The following PDZD7 variants were observed in gnomAD, a reference collection of about 807,000 sequenced individuals.
PDZD7 encodes PDZ domain-containing protein 7.
A neutral mutation model predicts 84.7 loss-of-function variants in PDZD7; 72 were observed. The observed-to-expected ratio is 0.85, with a 90% confidence interval of 0.70 to 1.03. The LOEUF (loss-of-function observed/expected upper bound fraction) is 1.03. Ranked by LOEUF, PDZD7 falls within the 50% of genes least tolerant of loss-of-function variation. The probability of loss-of-function intolerance (pLI) is 0.00; values close to 1 mark genes in which losing one functional copy is unlikely to be tolerated. For synonymous variants in PDZD7, 594 were observed against 580.7 expected, an observed-to-expected ratio of 1.02 and a Z score of -0.33; for missense variants, 1,490 against 1,412.9, an observed-to-expected ratio of 1.05 and a Z score of -0.87.
rs1444756541 is a variant in PDZD7, at chr10:101,010,707, G to T, written c.2182C>A (p.Leu728Ile). The part of the protein sequence containing the change: ...QDVPVDAFTP[L>I]RIACTPPPQL... The stretch of plus-strand genomic sequence containing the variant: ...GGAGGGGGTGTGCAGGCAATTCGGA[G>T]GGGGGTGAAGGCATCTACTGGCACG... The change falls in exon 15 of 17, where the codon CTC becomes ATC. Residue 728 changes from leucine (L) to isoleucine (I), a missense_variant. Physicochemically the swap from Leu to Ile is conservative, Grantham distance 5. Coordinates refer to ENST00000619208, the MANE Select transcript of PDZD7 (RefSeq NM_001195263.2). 2 of 1,389,284 alleles carry T rather than the reference G, an allele frequency of 1.4e-6. No individual in the cohort carries two copies. The highest frequency in any genetic ancestry group is 1.9e-6 in the Non-Finnish European group (2 of 1,053,722). 86.1% of individuals were successfully genotyped at this position (1,389,284 alleles called of 1,614,324 possible). A position where few individuals can be genotyped will look rare whatever the true frequency, so the allele number is the denominator to read the frequency against.
In PDZD7 at chr10:101,010,518, ACTT is replaced by A; in HGVS notation, c.2368_2370del (p.Lys790del). On this transcript the variant is annotated inframe_deletion, in exon 15 of 17. Transcript: ENST00000619208. ...GGGGATGGGGAGCGTCTACCTGGAG[ACTT>A]GCCTTGACCCCGGCTGCTGCGGCTG... 1 of 1,531,556 alleles carries A rather than the reference ACTT, an allele frequency of 6.5e-7. No homozygotes were observed. The highest frequency in any genetic ancestry group is 1.4e-5 in the African/African-American group (1 of 72,780). The allele number at this position is 1,531,556 out of a possible 1,614,324, so 94.9% of individuals were successfully genotyped here. A position where few individuals can be genotyped will look rare whatever the true frequency, so the allele number is the denominator to read the frequency against.
intron 4 of PDZD7, chr10:101,023,070 CTTTTT>C (rs1161602421): frequency 1.1e-3 from 139 of 127,690 alleles, no homozygotes; most frequent in Middle Eastern, 7.7e-3. Context: ...CCATGCCCGG[CTTTTT>C]TTTTTTTTTT....
intron 9 of PDZD7, 74 bp downstream of exon 9, chr10:101,018,025 T>C (rs755579369): frequency 5.0e-6 from 8 of 1,594,558 alleles, no homozygotes; most frequent in Non-Finnish European, 6.9e-6. Flanking sequence ...GTGTGGGATC[T>C]CAACTCAGAA....
Position 101,030,186 on chromosome 10 carries a change from G to A in PDZD7, c.34C>T (p.Leu12=), listed in dbSNP as rs1300069064. The change falls in exon 2 of 17, where the codon CTG becomes TTG. Residue 12 remains leucine (L), a synonymous_variant. Coordinates refer to ENST00000619208, the MANE Select transcript of PDZD7 (RefSeq NM_001195263.2). ...AQGFAVGFDP[L]GLGDLSSGSL... is the part of the protein sequence containing the mutation. ...CCGGAGCTCAGGTCTCCTAGGCCCAGTGGGTCGAAGCCCACTGCGAAACCC... is the reference window on the plus strand; with the variant it reads ...CCGGAGCTCAGGTCTCCTAGGCCCAATGGGTCGAAGCCCACTGCGAAACCC... The A allele has an allele frequency of 6.2e-7, 1 of 1,612,836 alleles. No homozygotes were observed. The highest frequency in any genetic ancestry group is 2.2e-5 in the East Asian group (1 of 44,864).
intron 15 of PDZD7, 34 bp downstream of exon 15, chr10:101,010,238 G>A (rs557299800): frequency 7.4e-6 from 11 of 1,493,468 alleles, no homozygotes; most frequent in East Asian, 2.5e-5. Context: ...GCTTCCTAGT[G>A]TCCTCTGCCG....
At position 101,010,741 on chromosome 10, in the gene PDZD7, AG is replaced by A; in HGVS notation, c.2147del (p.Pro716LeufsTer7). 3.1e-6 allele frequency: 3 copies of A among 974,228 alleles called. No homozygotes were observed. The highest frequency in any genetic ancestry group is 2.7e-6 in the Non-Finnish European group (2 of 738,944). The allele number at this position is 974,228 out of a possible 1,614,324, so 60.3% of individuals were successfully genotyped here. On this transcript the variant is annotated frameshift_variant, in exon 15 of 17. Coordinates refer to ENST00000619208, the MANE Select transcript of PDZD7 (RefSeq NM_001195263.2). LOFTEE classifies it high-confidence loss of function. Reference sequence around the variant, plus strand: ...AGGCATCTACTGGCACGTCTTGTAGAGGGGGGATCCCTTTATGGGGGTGGCG... The same window carrying A: ...AGGCATCTACTGGCACGTCTTGTAGAGGGGGATCCCTTTATGGGGGTGGCG... ...APRHPHKGIP[P>X]LQDVPVDAFT...
intron 9 of PDZD7, 29 bp downstream of exon 9, chr10:101,018,070 C>T (rs758873942): frequency 3.1e-6 from 5 of 1,614,048 alleles, no homozygotes; most frequent in Admixed American, 1.7e-5. Flanking sequence ...CTTCACTTTG[C>T]CTTCCTGTTT....
rs1392510268 is a variant in PDZD7 at position 101,018,219 on chromosome 10, T to C, written c.1402A>G (p.Met468Val). 3 of 1,614,210 alleles carry C rather than the reference T, an allele frequency of 1.9e-6. No homozygotes were observed. Among genetic ancestry groups the C allele is most frequent in the Non-Finnish European group, 1.7e-6 (2 of 1,180,024 alleles). Residue 468 changes from methionine (M) to valine (V), a missense_variant, in exon 9 of 17, where the codon ATG becomes GTG. Coordinates refer to ENST00000619208, the MANE Select transcript of PDZD7 (RefSeq NM_001195263.2). ...KGALQRSKTL[M>V]NLFFKGGRQG... ...CGCCCTCCCTTGAAGAAGAGGTTCA[T>C]CAGCGTCTTGGAGCGCTGCAGGGCA...
At chr10:101,015,261 T>C (rs1852561909) in intron 11 of PDZD7, among the ~76,000 whole-genome samples, 1 of 152,158 alleles carries the variant, frequency 6.6e-6, no homozygotes, top group African/African-American at 2.4e-5. Flanking sequence ...AGGGACTCAC[T>C]TTCCCCACGT....
intron 11 of PDZD7, 31 bp from the exon 12 acceptor site, chr10:101,012,289 C>A (rs1372643725): frequency 6.6e-7 from 1 of 1,519,416 alleles, no homozygotes; most frequent in East Asian, 2.5e-5. Flanking sequence ...GGTCAGACAG[C>A]AGTGGGGGCT....
At chr10:101,011,607 G>A (rs951390106) in intron 14 of PDZD7, 83 bp downstream of exon 14, 187 of 1,511,228 alleles carry the variant, frequency 1.2e-4, no homozygotes, top group Non-Finnish European at 1.5e-4. Flanking sequence ...GCCCCTAGTG[G>A]GGAAAGAAGT....
At chr10:101,015,598 G>A in intron 11 of PDZD7, 38 bp downstream of exon 11, 2 of 1,533,548 alleles carry the variant, frequency 1.3e-6, no homozygotes, top group Non-Finnish European at 1.8e-6. Context: ...GTGACTGAAG[G>A]ACCGTGTGCC....
chr10:101,018,046 C>A, intron 9 of PDZD7, 53 bp downstream of exon 9: 1 of 1,610,866 alleles, frequency 6.2e-7, no homozygotes, highest in Middle Eastern at 1.7e-4. Flanking sequence ...CTGCTGAATG[C>A]CGAAGCTAGT....
chr10:101,018,046 C>G, intron 9 of PDZD7, 53 bp downstream of exon 9: 1 of 1,610,866 alleles, frequency 6.2e-7, no homozygotes, highest in Non-Finnish European at 8.5e-7. Context: ...CTGCTGAATG[C>G]CGAAGCTAGT....
chr10:101,010,978 G>A (rs957417640), intron 14 of PDZD7, 95 bp from the exon 15 acceptor site: 60 of 1,525,374 alleles, frequency 3.9e-5, no homozygotes, highest in Non-Finnish European at 4.9e-5. Flanking sequence ...AGCCAGGCCC[G>A]AGTTTGTTCA....
chr10:101,018,941 G>C lies in PDZD7; in HGVS notation c.1205C>G (p.Pro402Arg). 1 of 1,601,900 alleles carries C rather than the reference G, an allele frequency of 6.2e-7. No individual in the cohort carries two copies. The highest frequency in any genetic ancestry group is 1.3e-5 in the African/African-American group (1 of 74,962). Residue 402 changes from proline to arginine, a missense_variant, in exon 8 of 17, where the codon CCC (proline) becomes CGC (arginine). Physicochemically the swap from Pro to Arg is moderately radical, Grantham distance 103. Transcript: ENST00000619208. The part of the protein sequence containing the change: ...LRDTAIRSDG[P>R]HPGRRLDSAL... ...AGAGTCAAGGCGGCGGCCGGGATGG[G>C]GGCCGTCCGAGCGGATGGCGGTGTC...
At chr10:101,023,672 C>T (rs1234215979) in intron 3 of PDZD7, 62 bp from the exon 4 acceptor site, 1 of 1,575,924 alleles carries the variant, frequency 6.3e-7, no homozygotes, top group African/African-American at 1.3e-5. Flanking sequence ...CCTCCCCCAT[C>T]AGATGGAGCT....
rs754898220 is a variant in PDZD7, at chr10:101,010,570, A to ACGGCTGCGGCTG, written c.2318_2319insCAGCCGCAGCCG (p.Arg781_Ser784dup). On this transcript the variant is annotated inframe_insertion, in exon 15 of 17. Coordinates refer to ENST00000619208, the MANE Select transcript of PDZD7 (RefSeq NM_001195263.2). ...TGCGGCTGCGGCTACGGCTGCGGCT[A>ACGGCTGCGGCTG]CGGCTCTGAGCCCGGCCCCGGATCT... 5.9e-5 allele frequency: 89 copies of ACGGCTGCGGCTG among 1,516,326 alleles called. 1 individual carries two copies. The African/African-American group carries it at 6.3e-4, about 11-fold the overall frequency. 93.9% of individuals were successfully genotyped at this position (1,516,326 alleles called of 1,614,324 possible).
In PDZD7 at chr10:101,008,118, T is replaced by C. The variant is rs1852280782; in HGVS notation, c.*349A>G. ...CCCTTCAGGGCCCTGTCTGAGAGTC[T>C]GTGTCCCTGGAGGCTTGGGCGACTC... On this transcript the variant is annotated 3_prime_UTR_variant, in exon 17 of 17. Transcript: ENST00000619208. The C allele has an allele frequency of 3.0e-6, 1 of 331,602 alleles. No homozygotes were observed. The highest frequency in any genetic ancestry group is 2.1e-5 in the African/African-American group (1 of 47,982). The allele number at this position is 331,602 out of a possible 1,614,324, so 20.5% of individuals were successfully genotyped here.
Sources: gnomAD v4.1 joint callset for allele counts (sites outside exome capture counted in the v4.1 genomes callset) on GRCh38, gnomAD v4.1.1 for gene constraint, MANE v1.5 for transcripts, NCBI Gene and HGNC (gene_info 2026-07-23, HGNC 2026-07-21) for gene names.